ABCA4: variants seen among roughly 807,000 people sequenced by gnomAD.
The protein encoded by ABCA4 is retinal-specific phospholipid-transporting ATPase ABCA4.
ABCA4 carries 196 observed loss-of-function variants against 263.7 expected under a neutral mutation model. The observed-to-expected ratio is 0.74, with a 90% CI of 0.66 to 0.84. ABCA4 has a LOEUF of 0.84. ABCA4 is among the 40% of genes least tolerant of loss of function. The pLI is 0.00. For missense variants in ABCA4, 2,792 were observed against 2,855.1 expected, an observed-to-expected ratio of 0.98 and a Z score of 0.50; for synonymous variants, 1,133 against 1,094.2, an observed-to-expected ratio of 1.04 and a Z score of -0.70.
chr1:94,062,177 C>T (rs1222433841), intron 13 of ABCA4, among the ~76,000 whole-genome samples: 1 of 152,132 alleles, frequency 6.6e-6, no homozygotes, highest in African/African-American at 2.4e-5. Flanking sequence ...TCCCAGGAAC[C>T]AGACCTACTG....
chr1:94,056,110 T>A (rs1386138573), intron 15 of ABCA4, among the ~76,000 whole-genome samples: 1 of 152,244 alleles, frequency 6.6e-6, no homozygotes, highest in Non-Finnish European at 1.5e-5. Context: ...CTGTGGACAG[T>A]CTCATTTCTG....
At chr1:94,058,916 G>A (rs1425827529) in intron 14 of ABCA4, among the ~76,000 whole-genome samples, 2 of 152,166 alleles carry the variant, frequency 1.3e-5, no homozygotes, top group African/African-American at 4.8e-5. Context: ...GGGAGGAAGA[G>A]ACAAGGGAAA....
Position 94,021,361 on chromosome 1 carries a change from C to T in ABCA4, c.4897G>A (p.Val1633Met). 1 of 1,614,198 alleles carries T rather than the reference C, an allele frequency of 6.2e-7. No individual in the cohort carries two copies. The highest frequency in any genetic ancestry group is 8.5e-7 in the Non-Finnish European group (1 of 1,180,034). ...GWHALVSFLN[V>M]AHNAILRASL... ...GCCCGTAAGATGGCGTTGTGGGCCA[C>T]ATTGAGAAAGCTGACCAGGGCATGC... is the stretch of plus-strand genomic sequence containing the variant. Residue 1633 changes from valine (V) to methionine (M), a missense_variant, in exon 35 of 50, where the codon GTG becomes ATG. Physicochemically the swap from Val to Met is conservative, Grantham distance 21 (BLOSUM62 1). Coordinates refer to ENST00000370225, the MANE Select transcript of ABCA4 (RefSeq NM_000350.3).
At position 94,046,803 on chromosome 1, in the gene ABCA4, C is replaced by T. The variant is rs759053589; in HGVS notation, c.2918+116G>A. On this transcript the variant is annotated intron_variant, in intron 19 of 49. Coordinates refer to ENST00000370225, the MANE Select transcript of ABCA4 (RefSeq NM_000350.3). ...GAAAGCTTTTACACATTTTTGGGGC[C>T]GCAAATATTTGTCACTAAAATTTGT... 2.6e-4 allele frequency: 351 copies of T among 1,337,818 alleles called. 2 individuals carry two copies. Among genetic ancestry groups the T allele is most frequent in the East Asian group, 1.2e-3 (51 of 43,112 alleles). 82.9% of individuals were successfully genotyped at this position (1,337,818 alleles called of 1,614,324 possible).
chr1:94,100,900 G>A (rs1662268769), intron 5 of ABCA4, among the ~76,000 whole-genome samples: 1 of 152,236 alleles, frequency 6.6e-6, no homozygotes, highest in South Asian at 2.1e-4. Flanking sequence ...CCCCGGAACT[G>A]GATGGAGGTG....
chr1:94,021,758 T>G, intron 33 of ABCA4, 44 bp from the exon 34 acceptor site: 1 of 1,610,230 alleles, frequency 6.2e-7, no homozygotes, highest in Non-Finnish European at 8.5e-7. Context: ...TTTAATTTTT[T>G]TTTCCTGTTA....
intron 6 of ABCA4, among the ~76,000 whole-genome samples, chr1:94,090,925 T>G (rs768024748): frequency 5.9e-5 from 9 of 152,114 alleles, no homozygotes; most frequent in Non-Finnish European, 1.0e-4. Flanking sequence ...CAGTTTCACC[T>G]GGGGACGGGG....
At chr1:94,087,638 G>A (rs1661866911) in intron 6 of ABCA4, among the ~76,000 whole-genome samples, 1 of 152,214 alleles carries the variant, frequency 6.6e-6, no homozygotes, top group African/African-American at 2.4e-5. Flanking sequence ...ACACAGGGCA[G>A]CCTGGGGGTC....
At chr1:94,119,453 C>T (rs4147798) in intron 1 of ABCA4, among the ~76,000 whole-genome samples, 33,212 of 152,084 alleles carry the variant, frequency 0.22, 3,747 homozygotes, top group Middle Eastern at 0.23. Flanking sequence ...ATGCTGCTCT[C>T]TTTTATGCTG....
At chr1:94,071,522 T>A (rs537763846) in intron 11 of ABCA4, among the ~76,000 whole-genome samples, 1 of 152,210 alleles carries the variant, frequency 6.6e-6, no homozygotes, top group African/African-American at 2.4e-5. Context: ...TAATTCCAGA[T>A]CCCCCATTTA....
intron 44 of ABCA4, among the ~76,000 whole-genome samples, chr1:94,005,074 A>G (rs1659334716): frequency 6.6e-6 from 1 of 152,250 alleles, no homozygotes; most frequent in African/African-American, 2.4e-5. Flanking sequence ...ATGACTAAAC[A>G]TTTAGGTAAC....
At position 94,115,219 on chromosome 1, in the gene ABCA4, C is replaced by T. The variant is rs529738923; in HGVS notation, c.67-2153G>A. ...TGGAAGTTGTTTCCAGTGTCTTCAC[C>T]AAAGAAATGAGACATCCAGTTCAAA... On this transcript the variant is annotated intron_variant, in intron 1 of 49. Coordinates refer to ENST00000370225, the MANE Select transcript of ABCA4 (RefSeq NM_000350.3). Among the ~76,000 whole-genome samples, 10 of 152,248 alleles carry T rather than the reference C, an allele frequency of 6.6e-5. No individual in the cohort carries two copies. The South Asian group carries it at 1.9e-3, about 28-fold the overall frequency.
At chr1:94,118,638 T>C (rs1249492588) in intron 1 of ABCA4, among the ~76,000 whole-genome samples, 1 of 152,120 alleles carries the variant, frequency 6.6e-6, no homozygotes, top group African/African-American at 2.4e-5. Flanking sequence ...CAGACAGAAA[T>C]CTCAATTTCC....
chr1:94,115,588 G>A (rs1017524935), intron 1 of ABCA4, among the ~76,000 whole-genome samples: 17 of 152,156 alleles, frequency 1.1e-4, no homozygotes, highest in Non-Finnish European at 1.9e-4. Flanking sequence ...ACTCTTCCGT[G>A]CCAAATGGTC....
intron 15 of ABCA4, among the ~76,000 whole-genome samples, chr1:94,055,586 C>T (rs2101068352): frequency 6.6e-6 from 1 of 152,266 alleles, no homozygotes; most frequent in African/African-American, 2.4e-5. Flanking sequence ...GTTGCTAGAC[C>T]TATAGCTTCC....
intron 48 of ABCA4, 26 bp downstream of exon 48, chr1:93,997,835 C>T: frequency 6.2e-7 from 1 of 1,613,768 alleles, no homozygotes; most frequent in East Asian, 2.2e-5. Flanking sequence ...CTTTGCTCAG[C>T]TCTCGGTGCC....
chr1:94,108,452 C>T, intron 4 of ABCA4, 125 bp downstream of exon 4: 1 of 1,412,076 alleles, frequency 7.1e-7, no homozygotes, highest in Non-Finnish European at 9.8e-7. Flanking sequence ...CAAGCCGCCT[C>T]CAGACCCCAT....
At chr1:94,007,831 A>T in intron 42 of ABCA4, 91 bp from the exon 43 acceptor site, 2 of 1,225,806 alleles carry the variant, frequency 1.6e-6, no homozygotes, top group Middle Eastern at 2.2e-4. Context: ...GAGCTGGGGG[A>T]GGAATTTTAG....
chr1:94,107,000 G>T lies in ABCA4; in HGVS notation c.442+1577C>A, dbSNP rs534359674. Reference sequence around the variant, plus strand: ...GACTAGCCCAGTGCCTGGCTCACAGGAGGCACTGAAGGTCGACTGAATGTT... The same window carrying T: ...GACTAGCCCAGTGCCTGGCTCACAGTAGGCACTGAAGGTCGACTGAATGTT... On this transcript the variant is annotated intron_variant, in intron 4 of 49. Coordinates refer to ENST00000370225, the MANE Select transcript of ABCA4 (RefSeq NM_000350.3). 2.6e-5 allele frequency among the ~76,000 whole-genome samples: 4 copies of T among 152,300 alleles called. No homozygotes were observed. In the South Asian group the frequency reaches 8.3e-4, roughly 32 times the overall value.
Sources: allele counts gnomAD v4.1 joint callset (sites outside exome capture counted in the v4.1 genomes callset), GRCh38; gene constraint gnomAD v4.1.1; transcripts MANE v1.5; gene names NCBI Gene and HGNC (gene_info 2026-07-23, HGNC 2026-07-21).